Variants in TMEM161B observed in about 807,000 individuals in gnomAD.
TMEM161B encodes transmembrane protein 161B.
A neutral mutation model predicts 61.8 loss-of-function variants in TMEM161B; 34 were observed. That is an observed-to-expected ratio of 0.55 (90% confidence interval 0.42 to 0.73). TMEM161B has a LOEUF of 0.73. Among genes scored for constraint, TMEM161B ranks in the 30% least tolerant of loss-of-function variants. TMEM161B has a pLI of 0.00. For synonymous variants in TMEM161B, 167 were observed against 192.8 expected (o/e 0.87, Z 1.11); for missense variants, 456 against 558.5 (o/e 0.82, Z 1.85).
intron 1 of TMEM161B, among the ~76,000 whole-genome samples, chr5:88,252,855 T>C (rs1039315979): frequency 2.0e-5 from 3 of 152,210 alleles, no homozygotes; most frequent in Non-Finnish European, 2.9e-5. Flanking sequence ...TCACTTAACA[T>C]ACAGTGAAAC....
intron 9 of TMEM161B, chr5:88,202,455 A>C: frequency 5.5e-6 from 1 of 182,902 alleles, no homozygotes; most frequent in Non-Finnish European, 1.1e-5. Flanking sequence ...TTAGAGGTGC[A>C]AACTAAAGAA....
chr5:88,201,471 A>C (rs1235108428), intron 9 of TMEM161B: 2 of 152,110 alleles, frequency 1.3e-5, no homozygotes, highest in African/African-American at 2.4e-5. Context: ...TGACAACAGC[A>C]ACAAATGGAC....
At chr5:88,246,509 T>C (rs903821427) in intron 1 of TMEM161B, among the ~76,000 whole-genome samples, 1 of 151,988 alleles carries the variant, frequency 6.6e-6, no homozygotes, top group Non-Finnish European at 1.5e-5. Flanking sequence ...ATTTTTAAGA[T>C]ATTACTATGC....
Position 88,223,321 on chromosome 5 carries a change from A to C in TMEM161B, c.289+2448T>G, listed in dbSNP as rs190335818. On this transcript the variant is annotated intron_variant, in intron 4 of 11. Transcript: ENST00000296595. Reference sequence around the variant, plus strand: ...AAGTAAAATATTATAACAATGTCTGATACTCAATAATTTTAAGATCTTATT... The same window carrying C: ...AAGTAAAATATTATAACAATGTCTGCTACTCAATAATTTTAAGATCTTATT... 4.4e-4 allele frequency among the ~76,000 whole-genome samples: 67 copies of C among 152,078 alleles called. 1 individual carries two copies. The highest frequency in any genetic ancestry group is 1.5e-3 in the African/African-American group (61 of 41,544).
rs1561312787 is a variant in TMEM161B at position 88,203,805 on chromosome 5, AT to A, written c.801-731del. Reference sequence around the variant, plus strand: ...TATATATATATATATATATATATATATATATATATAATTTGCATTACTCCTG... The same window carrying A: ...TATATATATATATATATATATATATAATATATATAATTTGCATTACTCCTG... On this transcript the variant is annotated intron_variant, in intron 8 of 11. Transcript: ENST00000296595. Among the ~76,000 whole-genome samples the A allele has an allele frequency of 4.4e-3, 282 of 64,806 alleles. 18 individuals carry two copies. The highest frequency in any genetic ancestry group is 5.3e-3 in the Admixed American group (28 of 5,268). 42.5% of individuals were successfully genotyped at this position (64,806 alleles called of 152,430 possible). A position where few individuals can be genotyped will look rare whatever the true frequency, so the allele number is the denominator to read the frequency against.
downstream of TMEM161B, among the ~76,000 whole-genome samples, chr5:88,193,659 T>C (rs1036840947): frequency 6.6e-6 from 1 of 152,196 alleles, no homozygotes; most frequent in Non-Finnish European, 1.5e-5. Context: ...TAATGAATTC[T>C]ATGTCTTTTA....
At chr5:88,204,152 G>C (rs763513920) in intron 8 of TMEM161B, among the ~76,000 whole-genome samples, 3 of 151,950 alleles carry the variant, frequency 2.0e-5, no homozygotes, top group Admixed American at 1.3e-4. Flanking sequence ...CAGAACTCCC[G>C]CTCTAACCTC....
At chr5:88,232,628 C>A (rs529254300) in intron 2 of TMEM161B, among the ~76,000 whole-genome samples, 3 of 152,036 alleles carry the variant, frequency 2.0e-5, no homozygotes, top group Non-Finnish European at 4.4e-5. Context: ...GGCTGGAGTG[C>A]GGTAGCACGA....
At chr5:88,253,715 T>TA (rs1754635922) in intron 1 of TMEM161B, among the ~76,000 whole-genome samples, 1 of 151,968 alleles carries the variant, frequency 6.6e-6, no homozygotes, top group Non-Finnish European at 1.5e-5. Context: ...ATTGAAGGGG[T>TA]AAAAGTAATT....
chr5:88,188,133 T>C (rs533001844), downstream of TMEM161B, among the ~76,000 whole-genome samples: 59 of 152,164 alleles, frequency 3.9e-4, no homozygotes, highest in Non-Finnish European at 8.4e-4. Context: ...AGACATGGTT[T>C]CACTCTTGTT....
chr5:88,212,753 C>T (rs59491849), intron 5 of TMEM161B, among the ~76,000 whole-genome samples: 3,378 of 152,252 alleles, frequency 0.022, 124 homozygotes, highest in African/African-American at 0.076. Context: ...CACTTGAATC[C>T]AGGAGGCTGA....
intron 8 of TMEM161B, among the ~76,000 whole-genome samples, chr5:88,203,912 CAG>C (rs1282639023): frequency 6.6e-6 from 1 of 150,418 alleles, no homozygotes; most frequent in Non-Finnish European, 1.5e-5. Flanking sequence ...TTGTATCCTA[CAG>C]AGATAGATGG....
chr5:88,186,259 G>A (rs1228021679), downstream of TMEM161B, among the ~76,000 whole-genome samples: 2 of 152,114 alleles, frequency 1.3e-5, no homozygotes, highest in East Asian at 1.9e-4. Flanking sequence ...AAAGTCCAAC[G>A]ATGCATTGCA....
At chr5:88,197,831 T>C (rs1191911532) in intron 10 of TMEM161B, 66 bp from the exon 11 acceptor site, 1 of 1,339,368 alleles carries the variant, frequency 7.5e-7, no homozygotes, top group Non-Finnish European at 1.0e-6. Context: ...TAAACTTTCA[T>C]ATAATTGCCA....
intron 5 of TMEM161B, among the ~76,000 whole-genome samples, chr5:88,214,202 CGAAA>C (rs1561338929): frequency 6.6e-6 from 1 of 151,918 alleles, no homozygotes; most frequent in East Asian, 1.9e-4. Flanking sequence ...TGCCTGGCAA[CGAAA>C]GAAAATTAAA....
At chr5:88,224,562 G>A (rs1212497836) in intron 4 of TMEM161B, among the ~76,000 whole-genome samples, 1 of 152,122 alleles carries the variant, frequency 6.6e-6, no homozygotes. Flanking sequence ...TCCTGAATAA[G>A]TAAATTTTTC....
chr5:88,248,552 C>T (rs1241773136), intron 1 of TMEM161B, among the ~76,000 whole-genome samples: 3 of 151,992 alleles, frequency 2.0e-5, no homozygotes, highest in African/African-American at 7.2e-5. Flanking sequence ...ACAATTCTTG[C>T]GGTTCCATGA....
At chr5:88,249,425 T>C (rs528843845) in intron 1 of TMEM161B, among the ~76,000 whole-genome samples, 2 of 152,284 alleles carry the variant, frequency 1.3e-5, no homozygotes, top group African/African-American at 4.8e-5. Flanking sequence ...TTCTCAAGGC[T>C]AGTCATGACA....
rs2112523065 is a variant in TMEM161B, at chr5:88,220,531, T to C, written c.446+32A>G. On this transcript the variant is annotated intron_variant, in intron 5 of 11. Coordinates refer to ENST00000296595, the MANE Select transcript of TMEM161B (RefSeq NM_153354.5). ...AGATCTAATGGTGTTATCTGCAAAA[T>C]AAATTAATATTAATGATGTTTTGAA... The C allele has an allele frequency of 3.3e-6, 5 of 1,495,930 alleles. No homozygotes were observed. In the African/African-American group the frequency reaches 7.2e-5, roughly 22 times the overall value. The allele number at this position is 1,495,930 out of a possible 1,614,324, so 92.7% of individuals were successfully genotyped here.
Sources: gnomAD v4.1 joint callset for allele counts (sites outside exome capture counted in the v4.1 genomes callset) on GRCh38, gnomAD v4.1.1 for gene constraint, MANE v1.5 for transcripts, NCBI Gene and HGNC (gene_info 2026-07-23, HGNC 2026-07-21) for gene names.